The following DYNC2H1 variants were observed in gnomAD, a reference collection of about 807,000 sequenced individuals.
The protein encoded by DYNC2H1 is dynein cytoplasmic 2 heavy chain 1.
Under a neutral mutation model 570.0 loss-of-function variants are expected in DYNC2H1, and 410 were observed. The observed-to-expected ratio is 0.72, with a 90% confidence interval of 0.66 to 0.78. DYNC2H1 has a LOEUF of 0.78. Among genes scored for constraint, DYNC2H1 ranks in the 30% least tolerant of loss-of-function variants. The pLI is 0.00. For missense variants in DYNC2H1, 4,865 were observed against 5,046.4 expected (o/e 0.96, Z 1.09); for synonymous variants, 1,688 against 1,677.6 (o/e 1.01, Z -0.15).
intron 17 of DYNC2H1, among the ~76,000 whole-genome samples, chr11:103,136,204 T>G (rs970184412): frequency 2.0e-5 from 3 of 150,394 alleles, no homozygotes; most frequent in African/African-American, 7.3e-5. Flanking sequence ...GGTTTTTTAT[T>G]TTTATTTTTT....
chr11:103,417,201 TC>T (rs1943316839), intron 84 of DYNC2H1, among the ~76,000 whole-genome samples: 1 of 152,088 alleles, frequency 6.6e-6, no homozygotes, highest in South Asian at 2.1e-4. Context: ...TACCTCAGCC[TC>T]CCAAGTAGCT....
At chr11:103,441,545 CA>C (rs1944269183) in intron 85 of DYNC2H1, among the ~76,000 whole-genome samples, 1 of 151,934 alleles carries the variant, frequency 6.6e-6, no homozygotes. Flanking sequence ...AGCATGTAGA[CA>C]GTAACTTGTA....
chr11:103,318,517 G>A (rs1254526407), intron 80 of DYNC2H1, among the ~76,000 whole-genome samples: 1 of 152,110 alleles, frequency 6.6e-6, no homozygotes, highest in Non-Finnish European at 1.5e-5. Flanking sequence ...ATACCTTTGT[G>A]TAATTATATG....
At position 103,280,404 on chromosome 11, in the gene DYNC2H1, T is replaced by G; in HGVS notation, c.10752T>G (p.Phe3584Leu). Residue 3584 changes from phenylalanine to leucine, a missense_variant, in exon 71 of 89, where the codon TTT becomes TTG. By Grantham distance (22) the Phe-to-Leu change is conservative (BLOSUM62 0). Transcript: ENST00000375735. This position sits in a 1 kb window ranked among gnomAD's most constrained non-coding sequence, Gnocchi z 4.7. ...HFVRGMHPELFQENEWDTFTG... is the reference protein window; with the variant it reads ...HFVRGMHPELLQENEWDTFTG... Reference sequence around the variant, plus strand: ...TTCGAGGCATGCATCCTGAACTTTTTCAAGAAAATGTAAGTCAAATTAAAG... The same window carrying G: ...TTCGAGGCATGCATCCTGAACTTTTGCAAGAAAATGTAAGTCAAATTAAAG... 1 of 1,553,930 alleles carries G rather than the reference T, an allele frequency of 6.4e-7. No individual in the cohort carries two copies. Among genetic ancestry groups the G allele is most frequent in the Non-Finnish European group, 8.7e-7 (1 of 1,147,590 alleles).
At chr11:103,140,721 C>T (rs1367895295) in intron 17 of DYNC2H1, among the ~76,000 whole-genome samples, 1 of 152,112 alleles carries the variant, frequency 6.6e-6, no homozygotes, top group Non-Finnish European at 1.5e-5. Context: ...TTGTGACATT[C>T]TCTGTATTTC....
In DYNC2H1 at chr11:103,113,541, A is replaced by T; in HGVS notation, c.200A>T (p.Glu67Val). The part of the protein sequence containing the change: ...DAGISFSNTI[E>V]FGDTKDKVLV... ...AAAAATCATTTATCACTTTAGATTG[A>T]GTTTGGTGACACAAAAGATAAAGTG... is the stretch of plus-strand genomic sequence containing the variant. Residue 67 changes from glutamate to valine, a missense_variant, in exon 2 of 89, where the codon GAG becomes GTG. Physicochemically the swap from Glu to Val is moderately radical, Grantham distance 121. This residue lies in a region of DYNC2H1 where 1,936 missense variants were observed against 1,962.1 expected (regional missense o/e 0.99). Coordinates refer to ENST00000375735, the MANE Select transcript of DYNC2H1 (RefSeq NM_001377.3). 6.4e-7 allele frequency: 1 copy of T among 1,550,768 alleles called. No homozygotes were observed. The highest frequency in any genetic ancestry group is 2.1e-5 in the Admixed American group (1 of 48,548).
chr11:103,428,311 C>CTG, intron 84 of DYNC2H1, among the ~76,000 whole-genome samples: 1 of 135,882 alleles, frequency 7.4e-6, no homozygotes, highest in Non-Finnish European at 1.6e-5. Context: ...CTACCATGGT[C>CTG]TATATCATGC....
At chr11:103,449,997 G>T (rs572161886) in intron 85 of DYNC2H1, among the ~76,000 whole-genome samples, 1 of 152,220 alleles carries the variant, frequency 6.6e-6, no homozygotes, top group South Asian at 2.1e-4. Flanking sequence ...AAGTTAAAAG[G>T]AAAATGATAG....
chr11:103,220,065 T>C (rs1252648829), intron 56 of DYNC2H1, 37 bp downstream of exon 56: 1 of 1,190,636 alleles, frequency 8.4e-7, no homozygotes, highest in Non-Finnish European at 1.1e-6. Context: ...ATTTACATTT[T>C]TGCTTACCAG....
At chr11:103,266,074 T>TGGGGGGGGGG (rs1865491558) in intron 70 of DYNC2H1, among the ~76,000 whole-genome samples, 1 of 5,438 alleles carries the variant, frequency 1.8e-4, no homozygotes, top group Non-Finnish European at 3.3e-4. Flanking sequence ...GCAGTCAGGG[T>TGGGGGGGGGG]GGGTGGGGTG....
intron 83 of DYNC2H1, among the ~76,000 whole-genome samples, chr11:103,372,474 G>T (rs1941210242): frequency 6.6e-6 from 1 of 152,050 alleles, no homozygotes; most frequent in Non-Finnish European, 1.5e-5. Flanking sequence ...TGCCTTTTTT[G>T]TGTCTGTTGA....
At chr11:103,118,269 A>T (rs751699674) in intron 6 of DYNC2H1, among the ~76,000 whole-genome samples, 26 of 152,204 alleles carry the variant, frequency 1.7e-4, no homozygotes, top group Admixed American at 3.3e-4. Flanking sequence ...GCTTACAGGG[A>T]CAGGCAAAAT....
chr11:103,390,267 C>T (rs1318891188), intron 83 of DYNC2H1, among the ~76,000 whole-genome samples: 3 of 151,748 alleles, frequency 2.0e-5, no homozygotes, highest in Non-Finnish European at 2.9e-5. Context: ...TTCTTTGTCT[C>T]TTTTGATCTT....
At chr11:103,340,157 T>G (rs1691345956) in intron 82 of DYNC2H1, among the ~76,000 whole-genome samples, 1 of 152,224 alleles carries the variant, frequency 6.6e-6, no homozygotes, top group Non-Finnish European at 1.5e-5. Context: ...TTTTTGTTTT[T>G]AAAATAGTGT....
Position 103,326,798 on chromosome 11 carries a change from C to G in DYNC2H1, c.12039+2808C>G, listed in dbSNP as rs1005460557. 6.6e-6 allele frequency among the ~76,000 whole-genome samples: 1 copy of G among 152,208 alleles called. No individual in the cohort carries two copies. Among genetic ancestry groups the G allele is most frequent in the African/African-American group, 2.4e-5 (1 of 41,462 alleles). ...GGAAGCCAGCCTGCTGTCTCTTGGCCTGGCAGTCAGCTGATGCTAGAGCCT... is the reference window on the plus strand; with the variant it reads ...GGAAGCCAGCCTGCTGTCTCTTGGCGTGGCAGTCAGCTGATGCTAGAGCCT... On this transcript the variant is annotated intron_variant, in intron 82 of 88. Coordinates refer to ENST00000375735, the MANE Select transcript of DYNC2H1 (RefSeq NM_001377.3). The surrounding 1 kb of genome is among the most constrained non-coding windows in gnomAD (Gnocchi z 6.1).
At chr11:103,308,806 T>C (rs1363645468) in intron 78 of DYNC2H1, among the ~76,000 whole-genome samples, 1 of 152,200 alleles carries the variant, frequency 6.6e-6, no homozygotes, top group Admixed American at 6.5e-5. Flanking sequence ...AAATGTCTTT[T>C]CAAATTCTTT....
chr11:103,401,469 T>C (rs1401535581), intron 84 of DYNC2H1, among the ~76,000 whole-genome samples: 2 of 152,010 alleles, frequency 1.3e-5, no homozygotes, highest in African/African-American at 4.8e-5. Flanking sequence ...GATTTTGAGG[T>C]CTCTAAAGCC....
chr11:103,188,953 A>T (rs1171883627), intron 44 of DYNC2H1, among the ~76,000 whole-genome samples: 1 of 152,080 alleles, frequency 6.6e-6, no homozygotes, highest in Non-Finnish European at 1.5e-5. Flanking sequence ...TAAATGTTTT[A>T]TGCAGTTCAT....
intron 70 of DYNC2H1, among the ~76,000 whole-genome samples, chr11:103,273,033 A>T (rs1035155225): frequency 2.0e-5 from 3 of 152,090 alleles, no homozygotes; most frequent in African/African-American, 7.2e-5. Context: ...GATTTTAAAG[A>T]TACCAAAATA....
Sources: allele counts gnomAD v4.1 joint callset (sites outside exome capture counted in the v4.1 genomes callset), GRCh38; gene constraint gnomAD v4.1.1; regional missense constraint gnomAD v4.1.1; non-coding constraint Gnocchi (gnomAD v3.1); transcripts MANE v1.5; gene names NCBI Gene and HGNC (gene_info 2026-07-23, HGNC 2026-07-21).